The following ARHGAP32 variants were observed in gnomAD, a reference collection of about 807,000 sequenced individuals.
ARHGAP32 encodes the protein Rho GTPase activating protein 32.
In ARHGAP32, 51 loss-of-function variants were observed where a neutral mutation model predicts 186.5. That is an observed-to-expected ratio of 0.27 (90% CI 0.22 to 0.35). The LOEUF is 0.35. Ranked by LOEUF, ARHGAP32 falls within the 10% of genes least tolerant of loss-of-function variation. ARHGAP32 has a pLI of 1.00. For missense variants in ARHGAP32, 2,186 were observed against 2,623.5 expected (o/e 0.83, Z 3.64); for synonymous variants, 950 against 964.3 (o/e 0.99, Z 0.27).
At position 129,051,827 on chromosome 11, in the gene ARHGAP32, C is replaced by T. The variant is rs537881299; in HGVS notation, c.963+10453G>A. On this transcript the variant is annotated intron_variant, in intron 10 of 22. Coordinates refer to ENST00000682385, the MANE Select transcript of ARHGAP32 (RefSeq NM_001378024.1). ...AAAATTAGCTGGGCGTGGTGGCCTG[C>T]GCCTGTAGTCCCAACTACTCGGGAA... 2.0e-3 allele frequency among the ~76,000 whole-genome samples: 287 copies of T among 143,936 alleles called. 1 individual carries two copies. The highest frequency in any genetic ancestry group is 7.1e-3 in the African/African-American group (272 of 38,542). The allele number at this position is 143,936 out of a possible 152,430, so 94.4% of individuals were successfully genotyped here.
chr11:129,203,279 A>C (rs1944478222), intron 1 of ARHGAP32, among the ~76,000 whole-genome samples: 1 of 152,252 alleles, frequency 6.6e-6, no homozygotes, highest in Non-Finnish European at 1.5e-5. Context: ...CAGATAAAGT[A>C]AATCAAAACT....
chr11:129,088,546 C>T (rs1463262596), intron 6 of ARHGAP32, among the ~76,000 whole-genome samples: 4 of 152,194 alleles, frequency 2.6e-5, no homozygotes, highest in South Asian at 2.1e-4. Flanking sequence ...CACCACTGCA[C>T]TCCAGACTGG....
chr11:129,003,671 T>C (rs1591522590), intron 11 of ARHGAP32, among the ~76,000 whole-genome samples: 1 of 152,300 alleles, frequency 6.6e-6, no homozygotes, highest in Admixed American at 6.5e-5. Context: ...TACTGGCATA[T>C]AGTTGCTCAT....
At chr11:129,240,452 A>G (rs4323874) in intron 1 of ARHGAP32, among the ~76,000 whole-genome samples, 98,785 of 152,026 alleles carry the variant, frequency 0.65, 32,537 homozygotes, top group Admixed American at 0.75. Flanking sequence ...CAGTAGGCCC[A>G]TCTCAAGTAA....
chr11:129,217,342 CAT>C (rs934724267), intron 1 of ARHGAP32, among the ~76,000 whole-genome samples: 17 of 152,162 alleles, frequency 1.1e-4, no homozygotes, highest in South Asian at 2.1e-4. Flanking sequence ...TAACACAAAC[CAT>C]ATATAAGGTT....
Position 128,969,924 on chromosome 11 carries a change from T to C in ARHGAP32, c.5289A>G (p.Lys1763=), listed in dbSNP as rs995085357. 2.4e-5 allele frequency: 38 copies of C among 1,614,076 alleles called. No individual in the cohort carries two copies. Among genetic ancestry groups the C allele is most frequent in the Non-Finnish European group, 3.1e-5 (37 of 1,180,018 alleles). The part of the protein sequence containing the change: ...YTSWDLEDME[K]YRMQSIRRES... Reference sequence around the variant, plus strand: ...CTCTCCGGATGGACTGCATGCGGTATTTTTCCATGTCCTCAAGATCCCATG... The same window carrying C: ...CTCTCCGGATGGACTGCATGCGGTACTTTTCCATGTCCTCAAGATCCCATG... The change falls in exon 23 of 23, where the codon AAA becomes AAG. Residue 1763 remains lysine (K), a synonymous_variant. Transcript: ENST00000682385. This position sits in a 1 kb window ranked among gnomAD's most constrained non-coding sequence, Gnocchi z 4.8.
chr11:129,270,148 T>C (rs898954758), intron 1 of ARHGAP32, among the ~76,000 whole-genome samples: 1 of 151,696 alleles, frequency 6.6e-6, no homozygotes, highest in African/African-American at 2.4e-5. Flanking sequence ...ATAAATAAAC[T>C]GTAGTATATC....
chr11:129,004,438 A>G (rs139845916), intron 11 of ARHGAP32, among the ~76,000 whole-genome samples: 1 of 152,114 alleles, frequency 6.6e-6, no homozygotes, highest in Non-Finnish European at 1.5e-5. Context: ...TCTGTCTGGA[A>G]GATCTGTACA....
intron 2 of ARHGAP32, among the ~76,000 whole-genome samples, chr11:129,144,133 T>C (rs1046721868): frequency 6.6e-6 from 1 of 152,206 alleles, no homozygotes; most frequent in African/African-American, 2.4e-5. Flanking sequence ...CAAAAGAATT[T>C]TGATATAACA....
chr11:128,976,470 T>G (rs912153334), intron 20 of ARHGAP32, 93 bp downstream of exon 20: 1 of 1,036,534 alleles, frequency 9.6e-7, no homozygotes, highest in East Asian at 2.4e-5. Flanking sequence ...AATAGCCTAT[T>G]TATTAAGCAC....
At chr11:129,169,659 T>C (rs2135500274) in intron 1 of ARHGAP32, among the ~76,000 whole-genome samples, 1 of 148,490 alleles carries the variant, frequency 6.7e-6, no homozygotes, top group East Asian at 2.0e-4. Context: ...AAAAAAAGAT[T>C]GTGAGGCCAT....
chr11:129,072,391 C>T (rs1257326392), intron 6 of ARHGAP32, among the ~76,000 whole-genome samples: 2 of 152,116 alleles, frequency 1.3e-5, no homozygotes, highest in African/African-American at 2.4e-5. Flanking sequence ...GATCAATGTC[C>T]GTCTAGTTAC....
At chr11:129,109,414 A>C (rs1565426657) in intron 5 of ARHGAP32, among the ~76,000 whole-genome samples, 1 of 152,088 alleles carries the variant, frequency 6.6e-6, no homozygotes, top group Non-Finnish European at 1.5e-5. Flanking sequence ...CGATACACTG[A>C]TTTACTTTCC....
At chr11:129,029,801 CAAAAAA>C (rs34762356) in intron 11 of ARHGAP32, among the ~76,000 whole-genome samples, 1 of 46,948 alleles carries the variant, frequency 2.1e-5, no homozygotes, top group African/African-American at 1.1e-4. Context: ...GACTCCGTCT[CAAAAAA>C]AAAAAAAAAA....
chr11:129,190,249 C>T (rs973278257), intron 1 of ARHGAP32, among the ~76,000 whole-genome samples: 2 of 152,216 alleles, frequency 1.3e-5, no homozygotes, highest in Admixed American at 6.5e-5. Flanking sequence ...TAGGGCATCT[C>T]GGCAGGAACA....
At chr11:128,976,513 C>G (rs750729035) in intron 20 of ARHGAP32, 50 bp downstream of exon 20, 5 of 1,425,350 alleles carry the variant, frequency 3.5e-6, no homozygotes, top group Non-Finnish European at 4.0e-6. Context: ...TTGCAGTATT[C>G]CTTTATGCAA....
chr11:129,195,122 C>G (rs1944376022), upstream of ARHGAP32, among the ~76,000 whole-genome samples: 1 of 151,964 alleles, frequency 6.6e-6, no homozygotes, highest in Admixed American at 6.6e-5. Flanking sequence ...GTGTGTGCCA[C>G]GACACCTGCT....
At chr11:129,255,808 T>C (rs1477659993) in intron 1 of ARHGAP32, among the ~76,000 whole-genome samples, 1 of 152,132 alleles carries the variant, frequency 6.6e-6, no homozygotes, top group Non-Finnish European at 1.5e-5. Flanking sequence ...TAAACTCTCA[T>C]TTGTTACTGA....
intron 5 of ARHGAP32, among the ~76,000 whole-genome samples, chr11:129,107,754 G>A (rs1439415287): frequency 6.6e-6 from 1 of 151,634 alleles, no homozygotes; most frequent in Admixed American, 6.6e-5. Flanking sequence ...TGTAATCCCA[G>A]CTACTTGGGA....
Sources: gnomAD v4.1 joint callset for allele counts (sites outside exome capture counted in the v4.1 genomes callset) on GRCh38, gnomAD v4.1.1 for gene constraint, Gnocchi (gnomAD v3.1) non-coding constraint, MANE v1.5 for transcripts, NCBI Gene and HGNC (gene_info 2026-07-23, HGNC 2026-07-21) for gene names.